NEGR1: variants seen among roughly 807,000 people sequenced by gnomAD.
The protein encoded by NEGR1 is IgLON family member 4.
In NEGR1, 10 loss-of-function variants were observed where a neutral mutation model predicts 40.9. The observed-to-expected ratio is 0.24, with a 90% CI of 0.15 to 0.42. The LOEUF (loss-of-function observed/expected upper bound fraction) is 0.42, where lower values mean the gene tolerates loss of function less well. Ranked by LOEUF, NEGR1 falls within the 10% of genes least tolerant of loss-of-function variation. The probability of loss-of-function intolerance (pLI) is 1.00; values close to 1 mark genes in which losing one functional copy is unlikely to be tolerated. For missense variants in NEGR1, 352 were observed against 438.9 expected (o/e 0.80, Z 1.77); for synonymous variants, 185 against 166.8 (o/e 1.11, Z -0.84).
At chr1:72,065,139 G>A (rs930553104) in intron 1 of NEGR1, among the ~76,000 whole-genome samples, 1 of 151,926 alleles carries the variant, frequency 6.6e-6, no homozygotes, top group Non-Finnish European at 1.5e-5. Context: ...ACAAATAAGT[G>A]TAATCATACA....
At chr1:71,595,551 G>A (rs1161325643) in intron 5 of NEGR1, among the ~76,000 whole-genome samples, 1 of 152,186 alleles carries the variant, frequency 6.6e-6, no homozygotes, top group Non-Finnish European at 1.5e-5. Context: ...TCTGGGGTAT[G>A]AAGACGGGCT....
At chr1:72,032,187 C>A (rs759705809) in intron 1 of NEGR1, among the ~76,000 whole-genome samples, 3 of 152,134 alleles carry the variant, frequency 2.0e-5, no homozygotes, top group Non-Finnish European at 4.4e-5. Context: ...TGTAAGGTAG[C>A]TGGGTATGAT....
intron 1 of NEGR1, among the ~76,000 whole-genome samples, chr1:71,976,561 T>C (rs1242521697): frequency 6.6e-6 from 1 of 152,220 alleles, no homozygotes; most frequent in Non-Finnish European, 1.5e-5. Context: ...TGGCAGAATT[T>C]TTTTGCATGA....
chr1:71,903,405 C>G (rs1661193276), intron 2 of NEGR1, among the ~76,000 whole-genome samples: 1 of 151,948 alleles, frequency 6.6e-6, no homozygotes, highest in Non-Finnish European at 1.5e-5. Flanking sequence ...CTATGCCCTT[C>G]ATTCTATAAA....
chr1:71,982,276 C>T (rs1373909421), intron 1 of NEGR1, among the ~76,000 whole-genome samples: 1 of 152,076 alleles, frequency 6.6e-6, no homozygotes, highest in Non-Finnish European at 1.5e-5. Context: ...TGTGCTTTTA[C>T]ATAACTTGTT....
At chr1:71,612,872 A>G (rs1427727558) in intron 4 of NEGR1, among the ~76,000 whole-genome samples, 1 of 152,182 alleles carries the variant, frequency 6.6e-6, no homozygotes, top group Non-Finnish European at 1.5e-5. Flanking sequence ...CGACACAAAG[A>G]GAAAGAAGGA....
rs1259289009 is a variant in NEGR1 at position 71,619,162 on chromosome 1, T to TA, written c.668-8017dup. 9.9e-5 allele frequency among the ~76,000 whole-genome samples: 15 copies of TA among 152,140 alleles called. 1 individual carries two copies. The highest frequency in any genetic ancestry group is 3.1e-4 in the African/African-American group (13 of 41,446). ...TAAATCTCCAACTGGAGCTGTACAG[T>TA]AAAAAATTATAAATATATTTGGCCA... On this transcript the variant is annotated intron_variant, in intron 4 of 6. Coordinates refer to ENST00000357731, the MANE Select transcript of NEGR1 (RefSeq NM_173808.3).
intron 1 of NEGR1, among the ~76,000 whole-genome samples, chr1:71,942,293 A>G (rs1035853363): frequency 6.7e-6 from 1 of 149,222 alleles, no homozygotes. Context: ...ATTAGATGGG[A>G]AAAAAAACTG....
At chr1:72,255,218 T>C (rs1655227595) in intron 1 of NEGR1, among the ~76,000 whole-genome samples, 1 of 152,218 alleles carries the variant, frequency 6.6e-6, no homozygotes, top group African/African-American at 2.4e-5. Context: ...GTTAATCTAT[T>C]ATGCACACCA....
chr1:72,083,243 T>C (rs1203345142), intron 1 of NEGR1, among the ~76,000 whole-genome samples: 1 of 152,012 alleles, frequency 6.6e-6, no homozygotes, highest in Non-Finnish European at 1.5e-5. Context: ...ACTACCTTCT[T>C]CCATCCCTTC....
At chr1:72,233,016 A>G (rs939558989) in intron 1 of NEGR1, among the ~76,000 whole-genome samples, 1 of 152,198 alleles carries the variant, frequency 6.6e-6, no homozygotes, top group Admixed American at 6.5e-5. Flanking sequence ...TTGGGTAAAG[A>G]TACCTCTGTC....
At chr1:71,528,879 T>C (rs905260866) in intron 6 of NEGR1, among the ~76,000 whole-genome samples, 6 of 151,202 alleles carry the variant, frequency 4.0e-5, no homozygotes, top group Admixed American at 2.0e-4. Context: ...AAAACACCCA[T>C]AAATACAATG....
chr1:71,597,472 C>CTCTCTCTCTGTGTGTGTGTGTGTGTGTG (rs756076229), intron 5 of NEGR1, among the ~76,000 whole-genome samples: 3 of 31,328 alleles, frequency 9.6e-5, no homozygotes, highest in African/African-American at 2.0e-4. Context: ...CTCTCTCTCT[C>CTCTCTCTCTGTGTGTGTGTGTGTGTGTG]TGTGTGTGTG....
intron 1 of NEGR1, among the ~76,000 whole-genome samples, chr1:71,996,170 A>G (rs998551755): frequency 2.0e-5 from 3 of 152,170 alleles, no homozygotes; most frequent in African/African-American, 7.2e-5. Flanking sequence ...CATTTACAAC[A>G]TTATAAAAAT....
intron 3 of NEGR1, among the ~76,000 whole-genome samples, chr1:71,718,760 T>G (rs1026982758): frequency 4.6e-5 from 7 of 152,200 alleles, no homozygotes; most frequent in African/African-American, 1.7e-4. Context: ...AATTACAACA[T>G]GTAAAAAATA....
intron 1 of NEGR1, among the ~76,000 whole-genome samples, chr1:71,948,056 A>C (rs72935832): frequency 0.037 from 5,563 of 152,258 alleles, 342 homozygotes; most frequent in African/African-American, 0.13. Flanking sequence ...CCCCAAAGAC[A>C]ATCTTTCTGA....
intron 4 of NEGR1, among the ~76,000 whole-genome samples, chr1:71,620,380 T>C (rs772515656): frequency 1.9e-4 from 29 of 151,970 alleles, no homozygotes; most frequent in Admixed American, 1.3e-3. Flanking sequence ...TGGACAGTCT[T>C]TGGAAAAATT....
chr1:71,792,765 C>A (rs1045286152), intron 2 of NEGR1, among the ~76,000 whole-genome samples: 3 of 151,988 alleles, frequency 2.0e-5, no homozygotes, highest in Non-Finnish European at 4.4e-5. Flanking sequence ...TCAAATGGTA[C>A]CTTCAGGAAC....
chr1:72,186,873 A>G (rs764387608), intron 1 of NEGR1, among the ~76,000 whole-genome samples: 21 of 151,470 alleles, frequency 1.4e-4, no homozygotes, highest in Non-Finnish European at 7.4e-5. Flanking sequence ...CTGACAGGAT[A>G]CTCCATGGTA....
Sources: allele counts gnomAD v4.1 joint callset (sites outside exome capture counted in the v4.1 genomes callset), GRCh38; gene constraint gnomAD v4.1.1; transcripts MANE v1.5; gene names NCBI Gene and HGNC (gene_info 2026-07-23, HGNC 2026-07-21).